Variants in FHIT observed in about 807,000 individuals in gnomAD.
FHIT encodes fragile histidine triad diadenosine triphosphatase.
A neutral mutation model predicts 17.9 loss-of-function variants in FHIT; 19 were observed. That is an observed-to-expected ratio of 1.06 (90% CI 0.74 to 1.56). The LOEUF is 1.56. Ranked by LOEUF, FHIT falls within the 40% of genes most tolerant of loss-of-function variation. FHIT has a pLI of 0.00. For missense variants in FHIT, 248 were observed against 189.2 expected (o/e 1.31, Z -1.82); for synonymous variants, 81 against 69.7 (o/e 1.16, Z -0.81).
At chr3:59,887,773 C>T (rs1007124866) in intron 8 of FHIT, among the ~76,000 whole-genome samples, 23 of 152,144 alleles carry the variant, frequency 1.5e-4, no homozygotes, top group African/African-American at 5.3e-4. Flanking sequence ...AATCAGCCAG[C>T]CCAGAGAGAG....
intron 3 of FHIT, among the ~76,000 whole-genome samples, chr3:60,920,640 A>G (rs782784204): frequency 3.9e-5 from 6 of 152,020 alleles, no homozygotes; most frequent in Non-Finnish European, 7.4e-5. Flanking sequence ...GGAAGAGGAA[A>G]CCTCCTGGAT....
intron 8 of FHIT, among the ~76,000 whole-genome samples, chr3:59,804,487 A>G (rs1372095953): frequency 6.6e-6 from 1 of 152,212 alleles, no homozygotes; most frequent in Non-Finnish European, 1.5e-5. Flanking sequence ...AAAAGCAGAG[A>G]TTTATTGAAA....
rs145038547 is a variant in FHIT at position 61,000,634 on chromosome 3, A to G, written c.-111+41413T>C. Reference sequence around the variant, plus strand: ...AGTGATAAAGAACTCTAAAACCTGGAAAAAAAAGGAGATAGAAACTGACTA... The same window carrying G: ...AGTGATAAAGAACTCTAAAACCTGGGAAAAAAAGGAGATAGAAACTGACTA... On this transcript the variant is annotated intron_variant, in intron 3 of 9. Transcript: ENST00000492590. Among the ~76,000 whole-genome samples, 27 of 152,150 alleles carry G rather than the reference A, an allele frequency of 1.8e-4. No individual in the cohort carries two copies. The East Asian group carries it at 3.7e-3, about 21-fold the overall frequency.
At chr3:60,888,108 C>T (rs1316200495) in intron 3 of FHIT, among the ~76,000 whole-genome samples, 2 of 152,160 alleles carry the variant, frequency 1.3e-5, no homozygotes, top group Non-Finnish European at 2.9e-5. Context: ...AGCTTTCTAA[C>T]ACTCCAAGAA....
intron 5 of FHIT, among the ~76,000 whole-genome samples, chr3:60,204,560 G>A (rs1437355498): frequency 6.6e-6 from 1 of 151,916 alleles, no homozygotes; most frequent in Non-Finnish European, 1.5e-5. Flanking sequence ...CAAAGTGCTG[G>A]GATTACAGGG....
Position 61,005,291 on chromosome 3 carries a change from G to C in FHIT, c.-111+36756C>G, listed in dbSNP as rs116266088. 4.2e-3 allele frequency among the ~76,000 whole-genome samples: 645 copies of C among 152,148 alleles called. 4 individuals carry two copies. Among genetic ancestry groups the C allele is most frequent in the African/African-American group, 0.014 (597 of 41,504 alleles). On this transcript the variant is annotated intron_variant, in intron 3 of 9. Coordinates refer to ENST00000492590, the MANE Select transcript of FHIT (RefSeq NM_002012.4). ...TATTAGATAATTTTATTTTTATCAC[G>C]TTGAGGGGAATTAGAGAAAAACTTG...
intron 8 of FHIT, among the ~76,000 whole-genome samples, chr3:59,895,816 A>G (rs1377435926): frequency 6.6e-6 from 1 of 152,210 alleles, no homozygotes; most frequent in Non-Finnish European, 1.5e-5. Context: ...ACTTGCTAAC[A>G]TCCTCACGGG....
At chr3:60,518,004 GA>G (rs1477511499) in intron 5 of FHIT, among the ~76,000 whole-genome samples, 1 of 152,142 alleles carries the variant, frequency 6.6e-6, no homozygotes, top group African/African-American at 2.4e-5. Flanking sequence ...GAAGTTCCAT[GA>G]ACTTGTTGGT....
At chr3:60,461,447 A>ACTATGT (rs1394424325) in intron 5 of FHIT, among the ~76,000 whole-genome samples, 1 of 93,468 alleles carries the variant, frequency 1.1e-5, no homozygotes, top group Admixed American at 1.2e-4. Context: ...AACTAATAAA[A>ACTATGT]CAATATGTCA....
intron 4 of FHIT, among the ~76,000 whole-genome samples, chr3:60,612,746 G>A (rs1162184426): frequency 1.3e-5 from 2 of 152,116 alleles, no homozygotes; most frequent in African/African-American, 4.8e-5. Context: ...GCTCTTATAA[G>A]AACTTTGAGA....
At chr3:60,646,486 T>A (rs1186134927) in intron 4 of FHIT, among the ~76,000 whole-genome samples, 2 of 152,182 alleles carry the variant, frequency 1.3e-5, no homozygotes, top group African/African-American at 4.8e-5. Context: ...CTATTCACAA[T>A]AAAATGACAT....
intron 2 of FHIT, among the ~76,000 whole-genome samples, chr3:61,069,712 C>T (rs1191380396): frequency 6.6e-5 from 10 of 152,296 alleles, no homozygotes; most frequent in East Asian, 1.9e-4. Flanking sequence ...TTAAACTCTT[C>T]GTATCCCCAG....
intron 5 of FHIT, among the ~76,000 whole-genome samples, chr3:60,087,877 T>C (rs1703563566): frequency 6.6e-6 from 1 of 152,176 alleles, no homozygotes; most frequent in African/African-American, 2.4e-5. Flanking sequence ...TGCTGCCCAT[T>C]ACCCCCAACC....
At chr3:60,204,518 C>T (rs1703075675) in intron 5 of FHIT, among the ~76,000 whole-genome samples, 2 of 151,716 alleles carry the variant, frequency 1.3e-5, no homozygotes, top group African/African-American at 4.8e-5. Context: ...CTTGAACTCC[C>T]GGGCTCAAGC....
In FHIT at chr3:61,108,939, G is replaced by A. The variant is rs1474770818; in HGVS notation, c.-163-66840C>T. Among the ~76,000 whole-genome samples the A allele has an allele frequency of 2.6e-5, 4 of 152,174 alleles. No homozygotes were observed. The East Asian group carries it at 7.7e-4, about 29-fold the overall frequency. ...ACAGTTCTCTGGGCAAGCAACTTTA[G>A]TGATTAAAGTTAGCCTAAAAGACTA... On this transcript the variant is annotated intron_variant, in intron 2 of 9. Coordinates refer to ENST00000492590, the MANE Select transcript of FHIT (RefSeq NM_002012.4).
intron 4 of FHIT, among the ~76,000 whole-genome samples, chr3:60,808,026 A>G (rs1701457412): frequency 6.6e-6 from 1 of 152,176 alleles, no homozygotes; most frequent in Non-Finnish European, 1.5e-5. Flanking sequence ...AACATTTTTA[A>G]AACTATATAT....
At chr3:60,115,327 C>G (rs902871174) in intron 5 of FHIT, among the ~76,000 whole-genome samples, 20 of 152,008 alleles carry the variant, frequency 1.3e-4, no homozygotes, top group African/African-American at 4.8e-4. Flanking sequence ...TGGTACAAAT[C>G]CTTTATTAGA....
At chr3:60,032,676 T>C (rs536159581) in intron 5 of FHIT, among the ~76,000 whole-genome samples, 2 of 152,152 alleles carry the variant, frequency 1.3e-5, no homozygotes, top group African/African-American at 2.4e-5. Flanking sequence ...TGCCTCCCTA[T>C]ACACTGTGAT....
chr3:60,388,238 T>C (rs561708690), intron 5 of FHIT, among the ~76,000 whole-genome samples: 25 of 152,288 alleles, frequency 1.6e-4, no homozygotes, highest in South Asian at 1.0e-3. Context: ...ACAAATGGTA[T>C]TGATATGATG....
Sources: gnomAD v4.1 joint callset for allele counts (sites outside exome capture counted in the v4.1 genomes callset) on GRCh38, gnomAD v4.1.1 for gene constraint, MANE v1.5 for transcripts, NCBI Gene and HGNC (gene_info 2026-07-23, HGNC 2026-07-21) for gene names.